The following NAF1 variants were observed in gnomAD, a reference collection of about 807,000 sequenced individuals.
NAF1 encodes H/ACA ribonucleoprotein complex non-core subunit NAF1.
NAF1 carries 11 observed loss-of-function variants against 40.6 expected under a neutral mutation model. The ratio of observed to expected loss-of-function variants is 0.27; its 90% CI spans 0.17 to 0.45. NAF1 has a LOEUF of 0.45. Ranked by LOEUF, NAF1 falls within the 20% of genes least tolerant of loss-of-function variation. The pLI is 1.00. For synonymous variants in NAF1, 260 were observed against 228.5 expected (o/e 1.14, Z -1.24); for missense variants, 607 against 611.1 (o/e 0.99, Z 0.07).
chr4:163,141,926 C>T, intron 4 of NAF1: 1 of 981,518 alleles, frequency 1.0e-6, no homozygotes, highest in Non-Finnish European at 1.2e-6. Flanking sequence ...CGTAAAACAG[C>T]TCACCTATCA....
At chr4:163,146,053 C>T (rs1400091079) in intron 3 of NAF1, among the ~76,000 whole-genome samples, 189 bp from the exon 4 acceptor site, 6 of 151,962 alleles carry the variant, frequency 3.9e-5, no homozygotes, top group Non-Finnish European at 7.4e-5. Flanking sequence ...TGTTTTTATA[C>T]CTATTTTTAA....
Position 163,129,043 on chromosome 4 carries a change from C to T in NAF1, c.1339G>A (p.Val447Ile), listed in dbSNP as rs1012073639. Residue 447 changes from valine to isoleucine, a missense_variant, in exon 8 of 8, where the codon GTA (valine) becomes ATA (isoleucine). Physicochemically the swap from Val to Ile is conservative, Grantham distance 29. Transcript: ENST00000274054. ...RPPPPPPPPPVNMGWATPNMA... is the reference protein window; with the variant it reads ...RPPPPPPPPPINMGWATPNMA... ...TTTGGTGTAGCCCAACCCATGTTTA[C>T]AGGTGGGGGTGGTGGTGGGGGTGGA... 3.9e-5 allele frequency: 43 copies of T among 1,106,108 alleles called. No individual in the cohort carries two copies. Among genetic ancestry groups the T allele is most frequent in the Non-Finnish European group, 4.8e-5 (41 of 856,294 alleles). The allele number at this position is 1,106,108 out of a possible 1,614,324, so 68.5% of individuals were successfully genotyped here.
chr4:163,117,722 T>C (rs75727608), intron 2 of NAF1, among the ~76,000 whole-genome samples: 8,798 of 85,742 alleles, frequency 0.1, 354 homozygotes, highest in Non-Finnish European at 0.14. Flanking sequence ...CACACACGCA[T>C]GAATACATCA....
intron 1 of NAF1, among the ~76,000 whole-genome samples, chr4:163,165,781 AG>A (rs1164312564): frequency 6.6e-6 from 1 of 152,180 alleles, no homozygotes; most frequent in Non-Finnish European, 1.5e-5. Context: ...TGTGGGGGCA[AG>A]GGGGAAAGGC....
intron 2 of NAF1, among the ~76,000 whole-genome samples, chr4:163,149,644 T>TTC (rs1731615661): frequency 6.6e-6 from 1 of 152,142 alleles, no homozygotes; most frequent in Non-Finnish European, 1.5e-5. Context: ...TCAGAATTCT[T>TTC]ATGAGTACTT....
At chr4:163,153,084 G>A (rs528480701) in intron 2 of NAF1, among the ~76,000 whole-genome samples, 22 of 152,344 alleles carry the variant, frequency 1.4e-4, no homozygotes, top group South Asian at 2.1e-4. Context: ...GCCTTCCTGC[G>A]GGGCAGGGCT....
chr4:163,160,796 A>T lies in NAF1; in HGVS notation c.540+3421T>A, dbSNP rs575660846. On this transcript the variant is annotated intron_variant, in intron 2 of 7. Transcript: ENST00000274054. ...CTGTTTGGCACACTTTAATTTGTGTATATCTTTTGGCAGAAAAGTTCATTA... is the reference window on the plus strand; with the variant it reads ...CTGTTTGGCACACTTTAATTTGTGTTTATCTTTTGGCAGAAAAGTTCATTA... Among the ~76,000 whole-genome samples the T allele has an allele frequency of 2.0e-5, 3 of 152,320 alleles. No individual in the cohort carries two copies. In the East Asian group the frequency reaches 5.8e-4, roughly 29 times the overall value.
chr4:163,159,261 A>G (rs1331868091), intron 2 of NAF1, among the ~76,000 whole-genome samples: 1 of 152,122 alleles, frequency 6.6e-6, no homozygotes, highest in African/African-American at 2.4e-5. Context: ...AAAAACCCTG[A>G]GTATTAATTA....
At chr4:163,126,852 T>G, downstream of NAF1, 1 of 1,358,876 alleles carries the variant, frequency 7.4e-7, no homozygotes, top group Non-Finnish European at 9.6e-7. Context: ...CCAACAGCAC[T>G]TGAGTCCAGA....
chr4:163,156,710 A>T (rs1203642883), intron 2 of NAF1, among the ~76,000 whole-genome samples: 4 of 152,104 alleles, frequency 2.6e-5, no homozygotes, highest in Non-Finnish European at 5.9e-5. Flanking sequence ...CACAGGTATA[A>T]TTTTAAGACC....
At chr4:163,162,865 G>C (rs185344660) in intron 2 of NAF1, among the ~76,000 whole-genome samples, 497 of 152,284 alleles carry the variant, frequency 3.3e-3, no homozygotes, top group African/African-American at 0.011. Flanking sequence ...CAAAGAACTT[G>C]TTCTTGGACT....
intron 2 of NAF1, among the ~76,000 whole-genome samples, chr4:163,151,316 C>T (rs1208494507): frequency 6.6e-6 from 1 of 151,504 alleles, no homozygotes; most frequent in Non-Finnish European, 1.5e-5. Context: ...AAAGGTCCTC[C>T]CTATCCCAAA....
At chr4:163,116,644 A>G (rs1229668974) in intron 2 of NAF1, among the ~76,000 whole-genome samples, 2 of 152,218 alleles carry the variant, frequency 1.3e-5, no homozygotes. Context: ...CTGGGATCAG[A>G]CAACTCCTGT....
chr4:163,135,500 C>A (rs994310331), intron 6 of NAF1: 9 of 152,172 alleles, frequency 5.9e-5, no homozygotes, highest in African/African-American at 2.2e-4. Context: ...ATTAGAATAT[C>A]TGGATTTTGG....
downstream of NAF1, among the ~76,000 whole-genome samples, chr4:163,125,584 C>A (rs1730633152): frequency 1.3e-5 from 2 of 152,164 alleles, no homozygotes; most frequent in Admixed American, 1.3e-4. Flanking sequence ...TGGGAAACTG[C>A]AGTGGGAAGG....
intron 2 of NAF1, among the ~76,000 whole-genome samples, chr4:163,153,063 G>C (rs929148118): frequency 6.6e-6 from 1 of 152,192 alleles, no homozygotes; most frequent in Non-Finnish European, 1.5e-5. Flanking sequence ...ATTTCTCGCC[G>C]AGCCTTAGCT....
At chr4:163,163,898 G>A (rs1450611388) in intron 2 of NAF1, among the ~76,000 whole-genome samples, 1 of 151,726 alleles carries the variant, frequency 6.6e-6, no homozygotes, top group African/African-American at 2.4e-5. Flanking sequence ...ATTTTCTGAC[G>A]TGCAGACCAA....
At chr4:163,153,469 A>T (rs1731825155) in intron 2 of NAF1, among the ~76,000 whole-genome samples, 1 of 151,860 alleles carries the variant, frequency 6.6e-6, no homozygotes. Context: ...CTTTATGTCT[A>T]GCTCAGGGAT....
intron 2 of NAF1, among the ~76,000 whole-genome samples, chr4:163,157,966 A>G (rs1353003031): frequency 3.9e-5 from 6 of 152,146 alleles, no homozygotes; most frequent in African/African-American, 1.2e-4. Context: ...AGGCTTATTG[A>G]GCAAAAAAGA....
Sources: allele counts gnomAD v4.1 joint callset (sites outside exome capture counted in the v4.1 genomes callset), GRCh38; gene constraint gnomAD v4.1.1; transcripts MANE v1.5; gene names NCBI Gene and HGNC (gene_info 2026-07-23, HGNC 2026-07-21).